The following ATP2C2 variants were observed in gnomAD, a reference collection of about 807,000 sequenced individuals.
ATP2C2 encodes the protein ATPase secretory pathway Ca2+ transporting 2.
A neutral mutation model predicts 110.8 loss-of-function variants in ATP2C2; 171 were observed. The observed-to-expected ratio is 1.54, with a 90% confidence interval of 1.36 to 1.75. ATP2C2 has a LOEUF of 1.75. ATP2C2 is among the 40% of genes most tolerant of loss of function. The pLI is 0.00. For synonymous variants in ATP2C2, 804 were observed against 508.4 expected (o/e 1.58, Z -7.82); for missense variants, 1,963 against 1,235.0 (o/e 1.59, Z -8.84).
intron 11 of ATP2C2, among the ~76,000 whole-genome samples, chr16:84,427,610 G>A (rs367640089): frequency 1.1e-4 from 16 of 152,054 alleles, no homozygotes; most frequent in East Asian, 5.8e-4. Context: ...CCAGCTACTC[G>A]GGAGGCTGAG....
chr16:84,453,513 G>GACCTA, intron 20 of ATP2C2, 142 bp downstream of exon 20: 1 of 1,143,774 alleles, frequency 8.7e-7, no homozygotes, highest in Non-Finnish European at 1.3e-6. Flanking sequence ...AGCTGCCCCG[G>GACCTA]GAGTTACCTT....
intron 11 of ATP2C2, among the ~76,000 whole-genome samples, chr16:84,427,152 T>C (rs1907879490): frequency 6.6e-6 from 1 of 152,194 alleles, no homozygotes; most frequent in African/African-American, 2.4e-5. Context: ...GTCTGCAACG[T>C]GTTTTTAGGT....
chr16:84,427,861 G>C (rs763368277), intron 11 of ATP2C2, among the ~76,000 whole-genome samples: 45 of 152,116 alleles, frequency 3.0e-4, no homozygotes, highest in Non-Finnish European at 5.3e-4. Context: ...TTCCAAAATT[G>C]ATTGTGCGGA....
At chr16:84,447,967 G>C (rs979844249) in intron 16 of ATP2C2, among the ~76,000 whole-genome samples, 1 of 151,708 alleles carries the variant, frequency 6.6e-6, no homozygotes, top group Admixed American at 6.6e-5. Flanking sequence ...AGGTATGTCC[G>C]GTATTGAGGC....
chr16:84,429,484 C>A (rs1237564376), intron 11 of ATP2C2, among the ~76,000 whole-genome samples: 1 of 152,146 alleles, frequency 6.6e-6, no homozygotes, highest in African/African-American at 2.4e-5. Context: ...ATTTATCCTT[C>A]GGTGTTACTG....
chr16:84,449,365 C>T (rs745731090), intron 17 of ATP2C2, among the ~76,000 whole-genome samples: 9 of 152,222 alleles, frequency 5.9e-5, no homozygotes, highest in Admixed American at 2.6e-4. Context: ...GCGCCGAGCA[C>T]GTGTCCCCTC....
At chr16:84,370,640 G>A (rs1302167771) in intron 1 of ATP2C2, among the ~76,000 whole-genome samples, 1 of 150,492 alleles carries the variant, frequency 6.6e-6, no homozygotes. Context: ...GGCGATGTGT[G>A]TTGAGGTGAT....
chr16:84,453,149 G>A lies in ATP2C2; in HGVS notation c.1843G>A (p.Gly615Ser), dbSNP rs370941632. ...AGGTTCTTCTGAAGGAAGAAACATC[G>A]GCCTGTGCAACGGGAAGCTGCAAGC... ...ETALAIGRNI[G>S]LCNGKLQAMS... The change falls in exon 19 of 27, where the codon GGC (glycine) becomes AGC (serine). Residue 615 changes from glycine to serine, a missense_variant. Gly to Ser is a moderately conservative substitution (Grantham distance 56, BLOSUM62 0). Transcript: ENST00000262429. 125 of 1,612,160 alleles carry A rather than the reference G, an allele frequency of 7.8e-5. No homozygotes were observed. The highest frequency in any genetic ancestry group is 9.8e-5 in the Non-Finnish European group (115 of 1,179,130).
chr16:84,425,675 C>T (rs995939484), intron 10 of ATP2C2, 60 bp from the exon 11 acceptor site: 2 of 1,570,802 alleles, frequency 1.3e-6, no homozygotes, highest in South Asian at 1.1e-5. Context: ...GTTTGAATCC[C>T]TCCAGGCATC....
chr16:84,418,571 C>G (rs1307242624), intron 7 of ATP2C2, among the ~76,000 whole-genome samples: 2 of 152,222 alleles, frequency 1.3e-5, no homozygotes, highest in African/African-American at 4.8e-5. Context: ...GAGACCAGCA[C>G]TGTTATTTTT....
intron 1 of ATP2C2, among the ~76,000 whole-genome samples, chr16:84,387,184 C>G (rs1478851375): frequency 6.6e-6 from 1 of 152,176 alleles, no homozygotes; most frequent in East Asian, 1.9e-4. Flanking sequence ...CTCGTATCTC[C>G]TGGAGGGCTT....
chr16:84,412,782 C>G (rs1471386139), intron 6 of ATP2C2, among the ~76,000 whole-genome samples: 1 of 152,046 alleles, frequency 6.6e-6, no homozygotes, highest in Admixed American at 6.6e-5. Context: ...ACATACCTGG[C>G]TGCTCAAAGT....
chr16:84,441,393 G>A (rs889522174), intron 14 of ATP2C2, among the ~76,000 whole-genome samples: 33 of 152,152 alleles, frequency 2.2e-4, no homozygotes, highest in African/African-American at 7.7e-4. Context: ...TAAAAAGTGA[G>A]CCTGTGATGA....
In ATP2C2 at chr16:84,451,916, C is replaced by A. The variant is rs1200353111; in HGVS notation, c.1661-5C>A. The A allele has an allele frequency of 1.2e-6, 2 of 1,612,860 alleles. No individual in the cohort carries two copies. The highest frequency in any genetic ancestry group is 1.7e-6 in the Non-Finnish European group (2 of 1,179,696). On this transcript the variant is annotated splice_polypyrimidine_tract_variant and splice_region_variant and intron_variant, in intron 17 of 26. Coordinates refer to ENST00000262429, the MANE Select transcript of ATP2C2 (RefSeq NM_014861.4). ...GACCCCTCCTTACTCCCCCTCTCTC[C>A]TCAGTGCTGGCCCTGGCTTCTGGGC...
chr16:84,450,512 T>C (rs2150580690), intron 17 of ATP2C2, among the ~76,000 whole-genome samples: 1 of 152,110 alleles, frequency 6.6e-6, no homozygotes, highest in East Asian at 1.9e-4. Context: ...GATAGAGCGC[T>C]ACTAGGTGGC....
chr16:84,373,020 T>TTACA (rs1910044484), intron 1 of ATP2C2, among the ~76,000 whole-genome samples: 2 of 149,978 alleles, frequency 1.3e-5, no homozygotes, highest in Non-Finnish European at 3.0e-5. Flanking sequence ...CTGCGGAGGC[T>TTACA]GAGGCAGGAA....
chr16:84,448,506 G>C (rs532211887), intron 16 of ATP2C2, 27 bp from the exon 17 acceptor site: 5 of 1,594,414 alleles, frequency 3.1e-6, no homozygotes, highest in Non-Finnish European at 4.3e-6. Context: ...CAGTGATAGT[G>C]GATTTCTTCC....
At chr16:84,455,115 C>A in intron 21 of ATP2C2, 131 bp downstream of exon 21, 3 of 1,236,604 alleles carry the variant, frequency 2.4e-6, no homozygotes, top group Non-Finnish European at 3.4e-6. Flanking sequence ...AATCTCGGGG[C>A]TCGTCAGTGT....
rs561150074 is a variant in ATP2C2, at chr16:84,448,435, C to T, written c.1504-98C>T. 4 of 1,395,320 alleles carry T rather than the reference C, an allele frequency of 2.9e-6. No individual in the cohort carries two copies. The African/African-American group carries it at 4.3e-5, about 15-fold the overall frequency. 86.4% of individuals were successfully genotyped at this position (1,395,320 alleles called of 1,614,324 possible). A position where few individuals can be genotyped will look rare whatever the true frequency, so the allele number is the denominator to read the frequency against. ...ATAAATAACTCCGCTGCAAAGATCC[C>T]CGTGTGTGTCTTTGTAACCTTGTGC... is the stretch of plus-strand genomic sequence containing the variant. On this transcript the variant is annotated intron_variant, in intron 16 of 26. Coordinates refer to ENST00000262429, the MANE Select transcript of ATP2C2 (RefSeq NM_014861.4).
Sources: gnomAD v4.1 joint callset for allele counts (sites outside exome capture counted in the v4.1 genomes callset) on GRCh38, gnomAD v4.1.1 for gene constraint, MANE v1.5 for transcripts, NCBI Gene and HGNC (gene_info 2026-07-23, HGNC 2026-07-21) for gene names.